SPATA22: variants seen among roughly 807,000 people sequenced by gnomAD.
SPATA22 encodes the protein spermatogenesis associated 22.
SPATA22 carries 29 observed loss-of-function variants against 47.8 expected under a neutral mutation model. The observed-to-expected ratio is 0.61, with a 90% CI of 0.45 to 0.83. SPATA22 has a LOEUF of 0.83. Ranked by LOEUF, SPATA22 falls within the 40% of genes least tolerant of loss-of-function variation. The probability of loss-of-function intolerance (pLI) is 0.00; values close to 1 mark genes in which losing one functional copy is unlikely to be tolerated. For synonymous variants in SPATA22, 133 were observed against 140.9 expected, an observed-to-expected ratio of 0.94 and a Z score of 0.40; for missense variants, 410 against 421.7, an observed-to-expected ratio of 0.97 and a Z score of 0.24.
chr17:3,449,852 A>T (rs1396541455), intron 5 of SPATA22, among the ~76,000 whole-genome samples: 2 of 147,640 alleles, frequency 1.4e-5, no homozygotes, highest in African/African-American at 2.5e-5. Context: ...TAAGTCACGA[A>T]TTTTTTTTTT....
At chr17:3,465,385 A>T (rs75104397) in intron 3 of SPATA22, among the ~76,000 whole-genome samples, 34,773 of 150,728 alleles carry the variant, frequency 0.23, 4,282 homozygotes, top group East Asian at 0.41. Context: ...TTGCCGTGTC[A>T]GTGTAGAAAG....
rs753389782 is a variant in SPATA22, at chr17:3,489,215, A to G, written c.-73-19817T>C. ...TTTTCATACTTATATAAATGTGACTATCTCTCCTTCTGTACCTAGGTATAG... is the reference window on the plus strand; with the variant it reads ...TTTTCATACTTATATAAATGTGACTGTCTCTCCTTCTGTACCTAGGTATAG... On this transcript the variant is annotated intron_variant, in intron 1 of 8. Coordinates refer to the SPATA22 transcript ENST00000541913. 1.3e-5 allele frequency: 18 copies of G among 1,395,314 alleles called. No individual in the cohort carries two copies. In the South Asian group the frequency reaches 1.9e-4, roughly 15 times the overall value. The allele number at this position is 1,395,314 out of a possible 1,614,324, so 86.4% of individuals were successfully genotyped here.
At chr17:3,459,060 G>A (rs2073064357) in intron 5 of SPATA22, among the ~76,000 whole-genome samples, 1 of 98,192 alleles carries the variant, frequency 1.0e-5, no homozygotes, top group African/African-American at 3.7e-5. Flanking sequence ...AGAATGTGTG[G>A]GATCTTTACA....
chr17:3,469,295 G>C lies in SPATA22; in HGVS notation c.31C>G (p.Arg11Gly), dbSNP rs774490625. 6.5e-7 allele frequency: 1 copy of C among 1,549,910 alleles called. No individual in the cohort carries two copies. Among genetic ancestry groups the C allele is most frequent in the East Asian group, 2.3e-5 (1 of 44,078 alleles). ...AGTTGTTCAATACCTGCTGTACTTC[G>C]AGCTGAATTTTCATTTAGGCTTCGC... is the stretch of plus-strand genomic sequence containing the variant. Reference protein sequence around the residue: MKRSLNENSARSTAGCLPVPL... With the variant: MKRSLNENSAGSTAGCLPVPL... The change falls in exon 2 of 9, where the codon CGA becomes GGA. Residue 11 changes from arginine to glycine, a missense_variant. Physicochemically the swap from Arg to Gly is moderately radical, Grantham distance 125. Transcript: ENST00000572969.
intron 5 of SPATA22, among the ~76,000 whole-genome samples, chr17:3,453,313 T>C (rs1444428360): frequency 2.0e-5 from 3 of 152,184 alleles, no homozygotes; most frequent in Non-Finnish European, 2.9e-5. Context: ...TTAACAAAAT[T>C]ATACACCATG....
chr17:3,446,391 T>C (rs9900543), intron 7 of SPATA22, 81 bp downstream of exon 7: 33,022 of 1,400,292 alleles, frequency 0.024, 902 homozygotes, highest in East Asian at 0.1. Flanking sequence ...CTGTTTTATT[T>C]GGAAGAAAAA....
intron 3 of SPATA22, among the ~76,000 whole-genome samples, chr17:3,463,826 T>G (rs1348753249): frequency 6.6e-6 from 1 of 152,142 alleles, no homozygotes; most frequent in Non-Finnish European, 1.5e-5. Context: ...TTCTACTCTA[T>G]TCTCTTCTAT....
At chr17:3,479,267 C>G (rs1005744490) in intron 1 of SPATA22, among the ~76,000 whole-genome samples, 1 of 152,214 alleles carries the variant, frequency 6.6e-6, no homozygotes, top group Non-Finnish European at 1.5e-5. Context: ...TTTTTGAAAA[C>G]TTCCAGACTT....
rs886498408 is a variant in SPATA22, at chr17:3,483,362, TA to T, written c.-73-13965del. The T allele has an allele frequency of 1.1e-4, 84 of 741,966 alleles. No individual in the cohort carries two copies. In the African/African-American group the frequency reaches 1.4e-3, roughly 12 times the overall value. 46.0% of individuals were successfully genotyped at this position (741,966 alleles called of 1,614,324 possible). On this transcript the variant is annotated intron_variant, in intron 1 of 8. Coordinates refer to the SPATA22 transcript ENST00000541913. ...TCAAAGCTATAATACCATTGGGTTT[TA>T]AAGTATTTCATAAAGCTGTCTTACC...
intron 2 of SPATA22, 48 bp from the exon 3 acceptor site, chr17:3,467,602 G>A (rs1372343382): frequency 6.7e-7 from 1 of 1,496,486 alleles, no homozygotes; most frequent in South Asian, 1.4e-5. Context: ...CAAATAAGCA[G>A]ATCTAGTTGT....
At chr17:3,507,034 G>A (rs935213749) in intron 1 of SPATA22, among the ~76,000 whole-genome samples, 8 of 151,870 alleles carry the variant, frequency 5.3e-5, no homozygotes, top group Non-Finnish European at 1.2e-4. Context: ...GAGTGGGGAG[G>A]CGAAGGCAAC....
At chr17:3,464,677 G>A (rs1182392756) in intron 3 of SPATA22, among the ~76,000 whole-genome samples, 41 of 143,706 alleles carry the variant, frequency 2.9e-4, no homozygotes, top group African/African-American at 2.4e-4. Context: ...CCGCGACCCC[G>A]TCTGGGAGGT....
chr17:3,481,468 T>C, intron 1 of SPATA22: 1 of 749,738 alleles, frequency 1.3e-6, no homozygotes, highest in South Asian at 1.8e-5. Context: ...ACATTTCAGG[T>C]AAGTTTTTAC....
At chr17:3,487,099 G>A (rs2150751788) in intron 1 of SPATA22, among the ~76,000 whole-genome samples, 1 of 145,496 alleles carries the variant, frequency 6.9e-6, no homozygotes, top group East Asian at 2.2e-4. Flanking sequence ...CATAAGAGTG[G>A]CTGCAGCAAA....
chr17:3,496,969 GGC>G (rs1378271392), intron 1 of SPATA22, among the ~76,000 whole-genome samples: 3 of 152,214 alleles, frequency 2.0e-5, no homozygotes, highest in Admixed American at 6.5e-5. Context: ...GGGAGCCTGA[GGC>G]AGGAAAATTG....
intron 1 of SPATA22, among the ~76,000 whole-genome samples, chr17:3,497,667 T>C (rs1036407600): frequency 2.6e-5 from 4 of 152,276 alleles, no homozygotes; most frequent in African/African-American, 9.6e-5. Context: ...TGGAGAAAAC[T>C]GCGGTGATGC....
chr17:3,446,431 CAG>C, intron 7 of SPATA22, 39 bp downstream of exon 7: 1 of 1,567,900 alleles, frequency 6.4e-7, no homozygotes, highest in Non-Finnish European at 8.6e-7. Flanking sequence ...ACCTGTCCTC[CAG>C]AGAGTATTAC....
At chr17:3,472,933 G>C (rs183421231), upstream of SPATA22, among the ~76,000 whole-genome samples, 23 of 152,102 alleles carry the variant, frequency 1.5e-4, no homozygotes, top group East Asian at 4.4e-3. Context: ...TTTTATTTTG[G>C]GAAGAAGAAG....
chr17:3,473,015 A>G (rs1054306405), upstream of SPATA22, among the ~76,000 whole-genome samples: 3 of 151,952 alleles, frequency 2.0e-5, no homozygotes, highest in Non-Finnish European at 2.9e-5. Context: ...CATGAATAGA[A>G]GCTTCAGGGA....
Sources: gnomAD v4.1 joint callset for allele counts (sites outside exome capture counted in the v4.1 genomes callset) on GRCh38, gnomAD v4.1.1 for gene constraint, MANE v1.5 for transcripts, NCBI Gene and HGNC (gene_info 2026-07-23, HGNC 2026-07-21) for gene names.